The following TLN2 variants were observed in gnomAD, a reference collection of about 807,000 sequenced individuals.
TLN2 encodes talin 2, also known as talin-2.
TLN2 carries 118 observed loss-of-function variants against 294.7 expected under a neutral mutation model. The observed-to-expected ratio is 0.40, with a 90% CI of 0.34 to 0.47. The LOEUF is 0.47. Among genes scored for constraint, TLN2 ranks in the 20% least tolerant of loss-of-function variants. The probability of loss-of-function intolerance (pLI) is 0.84; values close to 1 mark genes in which losing one functional copy is unlikely to be tolerated. For missense variants in TLN2, 3,083 were observed against 3,282.2 expected, an observed-to-expected ratio of 0.94 and a Z score of 1.48; for synonymous variants, 1,431 against 1,304.5, an observed-to-expected ratio of 1.10 and a Z score of -2.09.
intron 54 of TLN2, 101 bp from the exon 55 acceptor site, chr15:62,833,403 T>A: frequency 6.6e-7 from 1 of 1,508,250 alleles, no homozygotes; most frequent in Non-Finnish European, 9.0e-7. Flanking sequence ...CAAAAAACAA[T>A]AGGCAGGTGA....
At chr15:62,525,260 G>T (rs1321754080) in intron 1 of TLN2, among the ~76,000 whole-genome samples, 17 of 152,198 alleles carry the variant, frequency 1.1e-4, no homozygotes, top group African/African-American at 3.9e-4. Context: ...CCTCAGGCAA[G>T]CTGTCATTTT....
intron 1 of TLN2, among the ~76,000 whole-genome samples, chr15:62,499,866 G>A (rs1040219816): frequency 6.6e-5 from 10 of 152,178 alleles, no homozygotes; most frequent in South Asian, 2.1e-4. Flanking sequence ...ACTTCCCAAA[G>A]TGGTGGGATT....
chr15:62,502,190 C>T (rs2039344713), intron 1 of TLN2, among the ~76,000 whole-genome samples: 1 of 152,234 alleles, frequency 6.6e-6, no homozygotes, highest in Non-Finnish European at 1.5e-5. Context: ...CCTTGACATG[C>T]TGCTGCTCCT....
intron 1 of TLN2, among the ~76,000 whole-genome samples, chr15:62,574,492 G>A (rs1323515333): frequency 1.4e-5 from 2 of 144,260 alleles, no homozygotes; most frequent in Non-Finnish European, 3.0e-5. Context: ...AAGGTGGGAG[G>A]AGTGTTTGAG....
intron 11 of TLN2, among the ~76,000 whole-genome samples, chr15:62,677,983 T>C (rs965366077): frequency 6.6e-6 from 1 of 151,714 alleles, no homozygotes; most frequent in Non-Finnish European, 1.5e-5. Context: ...TTGATAAAGA[T>C]GGGGTTTCTC....
chr15:62,523,253 A>T (rs963157265), intron 1 of TLN2, among the ~76,000 whole-genome samples: 1 of 152,210 alleles, frequency 6.6e-6, no homozygotes, highest in Non-Finnish European at 1.5e-5. Context: ...GGGGAAGATA[A>T]AATGTTTAGC....
chr15:62,753,823 G>C lies in TLN2; in HGVS notation c.4383G>C (p.Gln1461His). The change falls in exon 36 of 59, where the codon CAG becomes CAC. Residue 1461 changes from glutamine (Q) to histidine (H), a missense_variant. By Grantham distance (24) the Gln-to-His change is conservative (BLOSUM62 0). Coordinates refer to ENST00000636159, the MANE Select transcript of TLN2 (RefSeq NM_015059.3). Reference protein sequence around the residue: ...ISDPNSQAGHQGLVDPIQFAR... With the variant: ...ISDPNSQAGHHGLVDPIQFAR... ...ATCCAAACAGCCAGGCAGGCCACCAGGGCCTGGTGGACCCCATCCAGTTTG... is the reference window on the plus strand; with the variant it reads ...ATCCAAACAGCCAGGCAGGCCACCACGGCCTGGTGGACCCCATCCAGTTTG... 6.2e-7 allele frequency: 1 copy of C among 1,612,506 alleles called. No homozygotes were observed. The highest frequency in any genetic ancestry group is 8.5e-7 in the Non-Finnish European group (1 of 1,179,336).
At chr15:62,803,693 G>C (rs2066084128) in intron 50 of TLN2, among the ~76,000 whole-genome samples, 1 of 152,126 alleles carries the variant, frequency 6.6e-6, no homozygotes, top group African/African-American at 2.4e-5. Context: ...TCATCTGATA[G>C]GATTCTGATT....
chr15:62,539,354 A>G (rs1362242423), intron 1 of TLN2, among the ~76,000 whole-genome samples: 2 of 152,106 alleles, frequency 1.3e-5, no homozygotes, highest in African/African-American at 4.8e-5. Flanking sequence ...TGTGCTGTGA[A>G]TAGTCCTTAA....
chr15:62,708,567 G>A lies in TLN2; in HGVS notation c.2238G>A (p.Val746=). 2 of 1,614,202 alleles carry A rather than the reference G, an allele frequency of 1.2e-6. No individual in the cohort carries two copies. Among genetic ancestry groups the A allele is most frequent in the Non-Finnish European group, 1.7e-6 (2 of 1,180,030 alleles). The change falls in exon 21 of 59, where the codon GTG becomes GTA. Residue 746 remains valine, a synonymous_variant. Transcript: ENST00000636159. ...QEQLIEAGKL[V]DRSVENCVRA... is the part of the protein sequence containing the mutation. ...AGCTGATTGAAGCAGGGAAGCTGGT[G>A]GACCGCTCGGTGGAGAACTGTGTCC...
At chr15:62,603,218 C>G (rs990427432) in intron 2 of TLN2, among the ~76,000 whole-genome samples, 1 of 152,148 alleles carries the variant, frequency 6.6e-6, no homozygotes, top group Non-Finnish European at 1.5e-5. Context: ...CCCCAGTTCT[C>G]TCTCCATCCT....
At chr15:62,650,304 C>G (rs2052444369) in intron 5 of TLN2, 123 bp downstream of exon 5, 2 of 921,686 alleles carry the variant, frequency 2.2e-6, no homozygotes, top group African/African-American at 1.7e-5. Context: ...ATGCATTGTA[C>G]TTTGTAAGGG....
At chr15:62,646,272 C>T (rs988605468) in intron 3 of TLN2, among the ~76,000 whole-genome samples, 12 of 152,024 alleles carry the variant, frequency 7.9e-5, no homozygotes, top group Admixed American at 7.9e-4. Context: ...AAGCGATTCT[C>T]CTGTCTCAGC....
chr15:62,614,255 A>G (rs1343893656), intron 2 of TLN2, among the ~76,000 whole-genome samples: 2 of 152,114 alleles, frequency 1.3e-5, no homozygotes, highest in Non-Finnish European at 2.9e-5. Context: ...TTTATTAGCT[A>G]TTTTGTTTTC....
chr15:62,739,931 C>A (rs369031227), intron 31 of TLN2, among the ~76,000 whole-genome samples: 1 of 152,126 alleles, frequency 6.6e-6, no homozygotes, highest in East Asian at 1.9e-4. Flanking sequence ...TGGTCTGTGT[C>A]TAATACAGAG....
intron 12 of TLN2, 77 bp from the exon 13 acceptor site, chr15:62,692,763 C>A: frequency 9.0e-7 from 1 of 1,105,700 alleles, no homozygotes; most frequent in Non-Finnish European, 1.4e-6. Context: ...TCATATTGTT[C>A]TAGAGCTGGA....
intron 1 of TLN2, among the ~76,000 whole-genome samples, chr15:62,411,154 G>A (rs2033753116): frequency 6.6e-6 from 1 of 152,138 alleles, no homozygotes; most frequent in Non-Finnish European, 1.5e-5. Context: ...GTGGACCGAG[G>A]CATTAAAACA....
At chr15:62,566,125 A>G (rs903854501) in intron 1 of TLN2, among the ~76,000 whole-genome samples, 1 of 152,094 alleles carries the variant, frequency 6.6e-6, no homozygotes, top group African/African-American at 2.4e-5. Context: ...CAAATGTTCC[A>G]TTAGACTAGG....
intron 32 of TLN2, among the ~76,000 whole-genome samples, chr15:62,746,588 C>A (rs1323098355): frequency 6.6e-6 from 1 of 152,222 alleles, no homozygotes; most frequent in African/African-American, 2.4e-5. Context: ...TGCTTTTGTA[C>A]ATTGGCAACA....
Sources: gnomAD v4.1 joint callset for allele counts (sites outside exome capture counted in the v4.1 genomes callset) on GRCh38, gnomAD v4.1.1 for gene constraint, MANE v1.5 for transcripts, NCBI Gene and HGNC (gene_info 2026-07-23, HGNC 2026-07-21) for gene names.